ZSWIM6: variants seen among roughly 807,000 people sequenced by gnomAD.
The protein encoded by ZSWIM6 is zinc finger SWIM domain-containing protein 6.
Under a neutral mutation model 113.2 loss-of-function variants are expected in ZSWIM6, and 9 were observed. The ratio of observed to expected loss-of-function variants is 0.08; its 90% CI spans 0.05 to 0.14. ZSWIM6 has a LOEUF of 0.14. Among genes scored for constraint, ZSWIM6 ranks in the 10% least tolerant of loss-of-function variants. The pLI is 1.00. For synonymous variants in ZSWIM6, 611 were observed against 606.5 expected, an observed-to-expected ratio of 1.01 and a Z score of -0.11; for missense variants, 1,162 against 1,552.2, an observed-to-expected ratio of 0.75 and a Z score of 4.22.
intron 4 of ZSWIM6, among the ~76,000 whole-genome samples, chr5:61,518,844 T>C (rs1027498239): frequency 1.3e-5 from 2 of 152,172 alleles, no homozygotes; most frequent in Non-Finnish European, 2.9e-5. Context: ...TTTGGTGTTT[T>C]AGACATGAAG....
intron 1 of ZSWIM6, among the ~76,000 whole-genome samples, chr5:61,344,400 T>A (rs1479739946): frequency 6.6e-6 from 1 of 152,192 alleles, no homozygotes; most frequent in East Asian, 1.9e-4. Flanking sequence ...CAGGGTAGAA[T>A]CAAGTGAGAC....
intron 5 of ZSWIM6, among the ~76,000 whole-genome samples, chr5:61,522,878 A>T (rs1372585346): frequency 6.6e-6 from 1 of 152,094 alleles, no homozygotes; most frequent in Non-Finnish European, 1.5e-5. Context: ...GGGGACTGCT[A>T]CTCAAACATT....
intron 1 of ZSWIM6, among the ~76,000 whole-genome samples, chr5:61,360,895 TTTC>T (rs1745022043): frequency 6.6e-6 from 1 of 152,214 alleles, no homozygotes; most frequent in African/African-American, 2.4e-5. Context: ...GCACCTTGGT[TTTC>T]TTCTTTCTCT....
intron 4 of ZSWIM6, among the ~76,000 whole-genome samples, chr5:61,513,361 AT>A (rs1408140738): frequency 6.6e-6 from 1 of 152,142 alleles, no homozygotes. Flanking sequence ...GGATTTACAT[AT>A]TCTAGATCCA....
rs77688317 is a variant in ZSWIM6 at position 61,465,435 on chromosome 5, T to C, written c.677-7246T>C. ...GTGATATGACTTTTTTTTTTTTTTT[T>C]CTAGTTCAACACTTCCCCTTAAACT... On this transcript the variant is annotated intron_variant, in intron 1 of 13. Coordinates refer to ENST00000252744, the MANE Select transcript of ZSWIM6 (RefSeq NM_020928.2). Among the ~76,000 whole-genome samples, 32 of 151,932 alleles carry C rather than the reference T, an allele frequency of 2.1e-4. No homozygotes were observed. In the South Asian group the frequency reaches 2.3e-3, roughly 11 times the overall value.
At chr5:61,335,859 A>G (rs1473334789) in intron 1 of ZSWIM6, among the ~76,000 whole-genome samples, 2 of 152,382 alleles carry the variant, frequency 1.3e-5, no homozygotes, top group East Asian at 3.9e-4. Context: ...AAGGGAAAAA[A>G]ATAAACCTTT....
At chr5:61,398,912 G>GTTTT (rs57439648) in intron 1 of ZSWIM6, among the ~76,000 whole-genome samples, 6 of 61,784 alleles carry the variant, frequency 9.7e-5, no homozygotes, top group African/African-American at 1.7e-4. Context: ...GTGTATAGTT[G>GTTTT]TTTTTTTTTT....
chr5:61,538,954 T>C lies in ZSWIM6; in HGVS notation c.2522T>C (p.Met841Thr). Residue 841 changes from methionine to threonine, a missense_variant, in exon 11 of 14, where the codon ATG becomes ACG. Transcript: ENST00000252744. ...ESQQCELAST[M>T]LTAAKGDVRR... ...CAGCAGTGTGAGCTGGCATCCACCA[T>C]GCTAACTGCAGCCAAAGGTACTGTA... is the stretch of plus-strand genomic sequence containing the variant. 6.4e-7 allele frequency: 1 copy of C among 1,551,782 alleles called. No individual in the cohort carries two copies. Among genetic ancestry groups the C allele is most frequent in the African/African-American group, 1.4e-5 (1 of 73,156 alleles).
intron 3 of ZSWIM6, among the ~76,000 whole-genome samples, chr5:61,492,420 G>A (rs1748205329): frequency 6.6e-6 from 1 of 152,070 alleles, no homozygotes; most frequent in African/African-American, 2.4e-5. Flanking sequence ...TTAACTTGAA[G>A]TTAAGACAGA....
At chr5:61,433,339 G>A (rs532657206) in intron 1 of ZSWIM6, among the ~76,000 whole-genome samples, 46 of 152,130 alleles carry the variant, frequency 3.0e-4, no homozygotes, top group African/African-American at 1.0e-3. Context: ...GAAGGCATGC[G>A]GTGTGGCATT....
chr5:61,406,690 TTTTA>T (rs3067225), intron 1 of ZSWIM6, among the ~76,000 whole-genome samples: 1,610 of 145,928 alleles, frequency 0.011, 18 homozygotes, highest in African/African-American at 0.031. Flanking sequence ...CTCAGAAATC[TTTTA>T]TTTATTTATT....
chr5:61,354,820 T>G (rs187298231), intron 1 of ZSWIM6, among the ~76,000 whole-genome samples: 6 of 152,348 alleles, frequency 3.9e-5, no homozygotes, highest in African/African-American at 9.6e-5. Flanking sequence ...ACTTATAGTC[T>G]GCCTCTGTAT....
At chr5:61,387,256 T>C (rs1270215054) in intron 1 of ZSWIM6, among the ~76,000 whole-genome samples, 1 of 152,254 alleles carries the variant, frequency 6.6e-6, no homozygotes, top group Admixed American at 6.5e-5. Context: ...GCCTGAAAAC[T>C]AGGGTTGTGT....
intron 12 of ZSWIM6, among the ~76,000 whole-genome samples, chr5:61,541,289 G>C (rs1358983168): frequency 6.6e-6 from 1 of 152,076 alleles, no homozygotes; most frequent in Non-Finnish European, 1.5e-5. Context: ...ATTATGAAGA[G>C]GGAGATATGT....
chr5:61,545,565 TTATA>T lies in ZSWIM6; in HGVS notation c.*1254_*1257del, dbSNP rs1184010410. On this transcript the variant is annotated 3_prime_UTR_variant, in exon 14 of 14. Coordinates refer to ENST00000252744, the MANE Select transcript of ZSWIM6 (RefSeq NM_020928.2). ...AGCTAACCTTTGTGCACAAATAACA[TTATA>T]TATATTATATATCTATTCTGCATAG... The T allele has an allele frequency of 6.6e-6, 1 of 152,264 alleles. No homozygotes were observed. The highest frequency in any genetic ancestry group is 2.4e-5 in the African/African-American group (1 of 41,574). The allele number at this position is 152,264 out of a possible 1,614,324, so 9.4% of individuals were successfully genotyped here.
intron 1 of ZSWIM6, among the ~76,000 whole-genome samples, chr5:61,389,170 G>A (rs1258723316): frequency 2.0e-5 from 3 of 152,052 alleles, no homozygotes; most frequent in African/African-American, 2.4e-5. Context: ...TATCTTTTTG[G>A]GAAGGTGCTC....
chr5:61,391,017 C>A, intron 1 of ZSWIM6: 1 of 750,692 alleles, frequency 1.3e-6, no homozygotes, highest in South Asian at 1.4e-5. Flanking sequence ...CCTGGCTGAT[C>A]TTATAGATCT....
chr5:61,480,991 T>G (rs910686647), intron 2 of ZSWIM6, among the ~76,000 whole-genome samples: 2 of 152,148 alleles, frequency 1.3e-5, no homozygotes, highest in African/African-American at 4.8e-5. Context: ...AAATTCTGCC[T>G]GAATAGGTTG....
chr5:61,460,996 T>C (rs1277806311), intron 1 of ZSWIM6, among the ~76,000 whole-genome samples: 5 of 152,206 alleles, frequency 3.3e-5, no homozygotes, highest in Non-Finnish European at 5.9e-5. Context: ...CAAAAAGATA[T>C]AATGCCCTAA....
Sources: allele counts gnomAD v4.1 joint callset (sites outside exome capture counted in the v4.1 genomes callset), GRCh38; gene constraint gnomAD v4.1.1; transcripts MANE v1.5; gene names NCBI Gene and HGNC (gene_info 2026-07-23, HGNC 2026-07-21).